SPON1: variants seen among roughly 807,000 people sequenced by gnomAD.
SPON1 encodes spondin-1.
In SPON1, 52 loss-of-function variants were observed where a neutral mutation model predicts 111.7. The ratio of observed to expected loss-of-function variants is 0.47; its 90% confidence interval spans 0.37 to 0.59. SPON1 has a LOEUF of 0.59. Ranked by LOEUF, SPON1 falls within the 20% of genes least tolerant of loss-of-function variation. The pLI, the probability that SPON1 is intolerant of heterozygous loss-of-function variation, is 0.00. For missense variants in SPON1, 957 were observed against 1,068.5 expected, an observed-to-expected ratio of 0.90 and a Z score of 1.46; for synonymous variants, 410 against 395.8, an observed-to-expected ratio of 1.04 and a Z score of -0.43.
intron 1 of SPON1, among the ~76,000 whole-genome samples, chr11:13,979,519 A>C (rs147674999): frequency 1.3e-5 from 2 of 152,326 alleles, no homozygotes; most frequent in African/African-American, 4.8e-5. Flanking sequence ...TAGGGGAAGC[A>C]GGACAGCAAC....
intron 4 of SPON1, among the ~76,000 whole-genome samples, chr11:14,077,535 C>T (rs929929636): frequency 6.6e-6 from 1 of 151,832 alleles, no homozygotes; most frequent in African/African-American, 2.4e-5. Context: ...CGGGTTCAGG[C>T]GATTCTCCTG....
intron 4 of SPON1, among the ~76,000 whole-genome samples, chr11:14,077,469 G>A (rs1848926888): frequency 1.3e-5 from 2 of 150,740 alleles, no homozygotes; most frequent in Admixed American, 1.3e-4. Flanking sequence ...GTTTCACTCT[G>A]TCACCCAGGC....
At chr11:14,004,754 G>A (rs112902026) in intron 2 of SPON1, among the ~76,000 whole-genome samples, 1 of 152,070 alleles carries the variant, frequency 6.6e-6, no homozygotes, top group African/African-American at 2.4e-5. Flanking sequence ...TCAGATATGT[G>A]AAATGCAGTT....
rs186895917 is a variant in SPON1, at chr11:14,261,909, G to A, written c.1997-803G>A. ...GAAAGCTGCCTGAGCTTCCACAGGCGGGATAAAAGAACTGAAACTGTTGAA... is the reference window on the plus strand; with the variant it reads ...GAAAGCTGCCTGAGCTTCCACAGGCAGGATAAAAGAACTGAAACTGTTGAA... On this transcript the variant is annotated intron_variant, in intron 14 of 15. Transcript: ENST00000576479. Among the ~76,000 whole-genome samples the A allele has an allele frequency of 2.0e-3, 298 of 152,192 alleles. 1 individual carries two copies. The highest frequency in any genetic ancestry group is 2.3e-3 in the Non-Finnish European group (158 of 68,002).
chr11:14,177,117 T>C (rs1421801518), intron 6 of SPON1, among the ~76,000 whole-genome samples: 1 of 152,186 alleles, frequency 6.6e-6, no homozygotes, highest in African/African-American at 2.4e-5. Context: ...CTCAGCTCAC[T>C]GCAAGCTCCG....
chr11:14,005,500 G>A lies in SPON1; in HGVS notation c.345+22547G>A, dbSNP rs532225541. On this transcript the variant is annotated intron_variant, in intron 2 of 15. Transcript: ENST00000576479. ...ATAATGACTCCCATTCATGCTCCACGTTGAGATTTGTGGCCCACTTTGATG... is the reference window on the plus strand; with the variant it reads ...ATAATGACTCCCATTCATGCTCCACATTGAGATTTGTGGCCCACTTTGATG... Among the ~76,000 whole-genome samples, 7 of 152,150 alleles carry A rather than the reference G, an allele frequency of 4.6e-5. No individual in the cohort carries two copies. The South Asian group carries it at 6.2e-4, about 14-fold the overall frequency.
intron 6 of SPON1, among the ~76,000 whole-genome samples, chr11:14,173,765 C>T (rs1848138255): frequency 6.6e-6 from 1 of 152,166 alleles, no homozygotes; most frequent in African/African-American, 2.4e-5. Flanking sequence ...ACTCCAGACC[C>T]TGTTTACCTG....
chr11:14,090,062 G>A (rs1849037253), intron 5 of SPON1, among the ~76,000 whole-genome samples: 2 of 152,164 alleles, frequency 1.3e-5, no homozygotes, highest in South Asian at 4.2e-4. Flanking sequence ...TTTCAAGCCA[G>A]TGGTTCTTAG....
At chr11:14,159,243 A>T (rs2133872464) in intron 6 of SPON1, among the ~76,000 whole-genome samples, 1 of 152,218 alleles carries the variant, frequency 6.6e-6, no homozygotes, top group South Asian at 2.1e-4. Context: ...ATTATTAAAA[A>T]TTTTTTTGAT....
At chr11:14,124,170 C>G (rs1429314798) in intron 5 of SPON1, among the ~76,000 whole-genome samples, 3 of 152,048 alleles carry the variant, frequency 2.0e-5, no homozygotes, top group Non-Finnish European at 4.4e-5. Context: ...ATCATCCAGT[C>G]TTTATACACA....
In SPON1 at chr11:14,209,425, C is replaced by T. The variant is rs571568728; in HGVS notation, c.826-33907C>T. Among the ~76,000 whole-genome samples, 8 of 152,228 alleles carry T rather than the reference C, an allele frequency of 5.3e-5. No individual in the cohort carries two copies. The South Asian group carries it at 8.3e-4, about 16-fold the overall frequency. ...ATCCCTCCCCTAGCCCCCCACACCC[C>T]GACAGGCCCCGGTGTGTGATGCTCC... On this transcript the variant is annotated intron_variant, in intron 6 of 15. Transcript: ENST00000576479.
intron 6 of SPON1, among the ~76,000 whole-genome samples, chr11:14,207,216 A>G (rs1848526997): frequency 6.6e-6 from 1 of 152,224 alleles, no homozygotes; most frequent in Non-Finnish European, 1.5e-5. Flanking sequence ...TCTTCATTAC[A>G]CCATATACAA....
At chr11:14,027,467 G>C (rs1848527296) in intron 2 of SPON1, among the ~76,000 whole-genome samples, 1 of 152,188 alleles carries the variant, frequency 6.6e-6, no homozygotes, top group Non-Finnish European at 1.5e-5. Context: ...AGGACTGTCA[G>C]GGACTTTAAA....
chr11:14,029,200 A>G (rs146090140), intron 2 of SPON1, among the ~76,000 whole-genome samples: 104 of 152,206 alleles, frequency 6.8e-4, no homozygotes, highest in African/African-American at 2.4e-3. Flanking sequence ...GAGGCTCCCA[A>G]GCCAAACTGG....
At chr11:13,982,769 A>T in intron 1 of SPON1, 78 bp from the exon 2 acceptor site, 1 of 960,374 alleles carries the variant, frequency 1.0e-6, no homozygotes. Flanking sequence ...ATCGATGGAG[A>T]ACTCAGGTCT....
rs189621236 is a variant in SPON1, at chr11:14,031,602, A to G, written c.346-9919A>G. 4.6e-5 allele frequency among the ~76,000 whole-genome samples: 7 copies of G among 152,362 alleles called. No homozygotes were observed. The East Asian group carries it at 1.3e-3, about 29-fold the overall frequency. On this transcript the variant is annotated intron_variant, in intron 2 of 15. Transcript: ENST00000576479. ...CAGTACCGCTATTAACAAATTTTAA[A>G]GAATACATGGAGAAAAGGCTAGAAG... is the stretch of plus-strand genomic sequence containing the variant.
intron 6 of SPON1, among the ~76,000 whole-genome samples, chr11:14,176,451 A>G (rs781827765): frequency 6.6e-6 from 1 of 152,120 alleles, no homozygotes; most frequent in Non-Finnish European, 1.5e-5. Flanking sequence ...CCCTGCAATG[A>G]GGCTACAGGT....
chr11:14,219,980 A>G (rs1403994545), intron 6 of SPON1, among the ~76,000 whole-genome samples: 1 of 151,670 alleles, frequency 6.6e-6, no homozygotes, highest in Non-Finnish European at 1.5e-5. Context: ...CCAGCTACTC[A>G]GGAGGCTGAG....
chr11:14,028,318 A>G (rs782179517), intron 2 of SPON1, among the ~76,000 whole-genome samples: 8 of 151,900 alleles, frequency 5.3e-5, no homozygotes, highest in South Asian at 2.1e-4. Context: ...TCTCTACAAA[A>G]TATAAAAAAT....
Sources: allele counts gnomAD v4.1 joint callset (sites outside exome capture counted in the v4.1 genomes callset), GRCh38; gene constraint gnomAD v4.1.1; transcripts MANE v1.5; gene names NCBI Gene and HGNC (gene_info 2026-07-23, HGNC 2026-07-21).